FAM185A: variants seen among roughly 807,000 people sequenced by gnomAD.
FAM185A encodes the protein protein FAM185A.
A neutral mutation model predicts 45.7 loss-of-function variants in FAM185A; 21 were observed. The observed-to-expected ratio is 0.46, with a 90% CI of 0.33 to 0.66. The LOEUF (loss-of-function observed/expected upper bound fraction) is 0.66. Among genes scored for constraint, FAM185A ranks in the 30% least tolerant of loss-of-function variants. The pLI is 0.03. For synonymous variants in FAM185A, 117 were observed against 194.0 expected (o/e 0.60, Z 3.30); for missense variants, 305 against 485.4 (o/e 0.63, Z 3.49).
chr7:102,784,204 C>A (rs1380660542), intron 6 of FAM185A, among the ~76,000 whole-genome samples: 1 of 151,368 alleles, frequency 6.6e-6, no homozygotes, highest in Non-Finnish European at 1.5e-5. Context: ...AGCTTACCAA[C>A]CAAAAAAAGT....
Position 102,808,570 on chromosome 7 carries a change from C to A in FAM185A, c.*168C>A, listed in dbSNP as rs755723537. ...AAAATTTGTGCTTTGCTATTGTATT[C>A]ATTTTCTACTGCTCTGTAACAAATT... On this transcript the variant is annotated 3_prime_UTR_variant, in exon 8 of 8. Coordinates refer to ENST00000413034, the MANE Select transcript of FAM185A (RefSeq NM_001145268.2). The A allele has an allele frequency of 1.7e-6, 1 of 586,878 alleles. No homozygotes were observed. The highest frequency in any genetic ancestry group is 3.0e-6 in the Non-Finnish European group (1 of 329,188). The allele number at this position is 586,878 out of a possible 1,614,324, so 36.4% of individuals were successfully genotyped here.
the FAM185A span, chr7:102,834,623 C>T: frequency 6.6e-6 from 1 of 151,784 alleles, no homozygotes; most frequent in African/African-American, 2.4e-5. Flanking sequence ...TTCAGCAGCA[C>T]AGATACTAAA....
At chr7:102,843,763 G>A in the FAM185A span, among the ~76,000 whole-genome samples, 9 of 152,228 alleles carry the variant, frequency 5.9e-5, no homozygotes, top group East Asian at 1.2e-3. Context: ...GCGACAGAGC[G>A]AGACTCCGTC....
At chr7:102,846,752 C>CTTAAGAATCGTTCCTAAGT in the FAM185A span, among the ~76,000 whole-genome samples, 1 of 152,096 alleles carries the variant, frequency 6.6e-6, no homozygotes, top group East Asian at 1.9e-4. Context: ...ACTAAGGAAG[C>CTTAAGAATCGTTCCTAAGT]TTAATGGACA....
chr7:102,833,708 C>A, the FAM185A span, among the ~76,000 whole-genome samples: 5 of 151,890 alleles, frequency 3.3e-5, no homozygotes, highest in Admixed American at 3.3e-4. Context: ...TAGGCATGAG[C>A]CACTGTGCCC....
At chr7:102,800,752 C>G (rs1205170614) in intron 7 of FAM185A, among the ~76,000 whole-genome samples, 1 of 152,032 alleles carries the variant, frequency 6.6e-6, no homozygotes, top group African/African-American at 2.4e-5. Context: ...ATGACCAAAT[C>G]TAAGAATAAT....
chr7:102,796,277 G>A (rs1356522815), intron 7 of FAM185A, among the ~76,000 whole-genome samples: 1 of 152,190 alleles, frequency 6.6e-6, no homozygotes, highest in East Asian at 1.9e-4. Context: ...CTGAGTTTAG[G>A]GTCTGCAAAA....
chr7:102,850,363 A>G, the FAM185A span, among the ~76,000 whole-genome samples: 1 of 152,132 alleles, frequency 6.6e-6, no homozygotes, highest in African/African-American at 2.4e-5. Flanking sequence ...AAATTAATCA[A>G]TAATGTACAT....
At chr7:102,849,635 C>CT in the FAM185A span, among the ~76,000 whole-genome samples, 1 of 152,154 alleles carries the variant, frequency 6.6e-6, no homozygotes, top group Non-Finnish European at 1.5e-5. Context: ...CTTTCCTTCT[C>CT]TTTTTAAATC....
intron 7 of FAM185A, among the ~76,000 whole-genome samples, chr7:102,794,022 A>G (rs991056007): frequency 7.1e-6 from 1 of 140,360 alleles, no homozygotes; most frequent in Non-Finnish European, 1.5e-5. Flanking sequence ...CCTGGGTGAC[A>G]GAGACTCTGT....
At chr7:102,775,443 T>C (rs1795001556) in intron 5 of FAM185A, among the ~76,000 whole-genome samples, 1 of 152,218 alleles carries the variant, frequency 6.6e-6, no homozygotes, top group Admixed American at 6.5e-5. Flanking sequence ...TTTTAAAATA[T>C]CACCTTTGCC....
intron 6 of FAM185A, among the ~76,000 whole-genome samples, chr7:102,786,055 A>C (rs1159892065): frequency 1.3e-5 from 2 of 152,192 alleles, no homozygotes; most frequent in African/African-American, 2.4e-5. Flanking sequence ...GAAGACATTT[A>C]TGCAGCCAAA....
intron 6 of FAM185A, among the ~76,000 whole-genome samples, chr7:102,782,415 C>A (rs1357782201): frequency 6.6e-6 from 1 of 152,094 alleles, no homozygotes; most frequent in African/African-American, 2.4e-5. Flanking sequence ...GTCGGGTTAC[C>A]CACAAAGGGA....
chr7:102,754,651 TA>T (rs1220566780), intron 2 of FAM185A, among the ~76,000 whole-genome samples: 1 of 152,114 alleles, frequency 6.6e-6, no homozygotes, highest in African/African-American at 2.4e-5. Context: ...TTCACATAGC[TA>T]AAAAAAATTG....
the FAM185A span, among the ~76,000 whole-genome samples, chr7:102,834,072 GGAAGGAAGGAAAGA>G: frequency 1.4e-4 from 15 of 109,300 alleles, no homozygotes; most frequent in East Asian, 2.2e-3. Context: ...AAGGAAGGAA[GGAAGGAAGGAAAGA>G]AAAGAAAGAA....
intron 1 of FAM185A, 136 bp from the exon 2 acceptor site, chr7:102,751,556 C>T: frequency 9.8e-7 from 1 of 1,017,874 alleles, no homozygotes; most frequent in Non-Finnish European, 1.3e-6. Flanking sequence ...GTAGAAGACC[C>T]CTTACCTTTA....
At chr7:102,806,795 G>A (rs147356298) in intron 7 of FAM185A, among the ~76,000 whole-genome samples, 1 of 152,306 alleles carries the variant, frequency 6.6e-6, no homozygotes, top group African/African-American at 2.4e-5. Context: ...CCTTGAAAGA[G>A]TTTCCAGGCT....
chr7:102,778,769 C>T (rs1223127762), intron 6 of FAM185A, among the ~76,000 whole-genome samples: 1 of 152,154 alleles, frequency 6.6e-6, no homozygotes, highest in Non-Finnish European at 1.5e-5. Context: ...TTCTGTCTTA[C>T]TTCAGATCTC....
At chr7:102,837,893 C>T in the FAM185A span, among the ~76,000 whole-genome samples, 1 of 152,238 alleles carries the variant, frequency 6.6e-6, no homozygotes, top group East Asian at 1.9e-4. Context: ...AGTGTCTTAT[C>T]TTCTGCATTG....
Sources: allele counts gnomAD v4.1 joint callset (sites outside exome capture counted in the v4.1 genomes callset), GRCh38; gene constraint gnomAD v4.1.1; transcripts MANE v1.5; gene names NCBI Gene and HGNC (gene_info 2026-07-23, HGNC 2026-07-21).